NDUFS7: variants seen among roughly 807,000 people sequenced by gnomAD.
The protein encoded by NDUFS7 is NADH:ubiquinone oxidoreductase core subunit S7.
Under a neutral mutation model 31.1 loss-of-function variants are expected in NDUFS7, and 11 were observed. The ratio of observed to expected loss-of-function variants is 0.35; its 90% CI spans 0.22 to 0.59. The LOEUF (loss-of-function observed/expected upper bound fraction) is 0.59, where lower values mean the gene tolerates loss of function less well. Ranked by LOEUF, NDUFS7 falls within the 20% of genes least tolerant of loss-of-function variation. The probability of loss-of-function intolerance (pLI) is 0.79; values close to 1 mark genes in which losing one functional copy is unlikely to be tolerated. For synonymous variants in NDUFS7, 136 were observed against 127.9 expected (o/e 1.06, Z -0.43); for missense variants, 263 against 324.2 (o/e 0.81, Z 1.45).
At position 1,388,531 on chromosome 19, in the gene NDUFS7, CGTGGGCCCGGCT is replaced by C; in HGVS notation, c.64_75del (p.Gly22_Val25del). 1.2e-6 allele frequency: 2 copies of C among 1,611,092 alleles called. No homozygotes were observed. The highest frequency in any genetic ancestry group is 1.7e-6 in the Non-Finnish European group (2 of 1,179,828). On this transcript the variant is annotated inframe_deletion, in exon 3 of 8. Coordinates refer to ENST00000233627, the MANE Select transcript of NDUFS7 (RefSeq NM_024407.5). ...GCGTTCCATCTCCCGGCAGCTCCAG[CGTGGGCCCGGCT>C]GTGCAGGCACGAGGTGTCCATCAGA...
intron 4 of NDUFS7, chr19:1,390,481 C>T (rs1206439764): frequency 6.5e-6 from 2 of 305,700 alleles, no homozygotes; most frequent in Admixed American, 4.7e-5. Context: ...CTGGAGGCGT[C>T]GCACTTGGTA....
At chr19:1,390,697 C>T (rs530757824) in intron 4 of NDUFS7, 174 bp from the exon 5 acceptor site, 14 of 644,100 alleles carry the variant, frequency 2.2e-5, no homozygotes, top group African/African-American at 5.4e-5. Context: ...TGGTGGGGCG[C>T]GCTTTACAAC....
At position 1,395,459 on chromosome 19, in the gene NDUFS7, C is replaced by T. The variant is rs775856806; in HGVS notation, c.613C>T (p.Arg205Trp). The T allele has an allele frequency of 6.9e-6, 11 of 1,596,802 alleles. No homozygotes were observed. The highest frequency in any genetic ancestry group is 2.7e-5 in the African/African-American group (2 of 74,826). Residue 205 changes from arginine (R) to tryptophan (W), a missense_variant, in exon 8 of 8, where the codon CGG becomes TGG. Transcript: ENST00000233627. ...LQLQRKIKRE[R>W]RLQIWYRR ...GCTGCAGAGGAAGATCAAGCGGGAG[C>T]GGAGGCTGCAGATCTGGTACCGCAG...
chr19:1,387,769 T>C (rs745491684), intron 1 of NDUFS7, 42 bp from the exon 2 acceptor site: 26 of 1,604,570 alleles, frequency 1.6e-5, no homozygotes, highest in Middle Eastern at 3.3e-4. Flanking sequence ...CCCTGCGTGC[T>C]GCCCGCAGCT....
chr19:1,383,937 T>C lies in NDUFS7; in HGVS notation c.11T>C (p.Leu4Pro), dbSNP rs1370908573. The change falls in exon 1 of 8, where the codon CTG becomes CCG. Residue 4 changes from leucine (L) to proline (P), a missense_variant. Coordinates refer to ENST00000233627, the MANE Select transcript of NDUFS7 (RefSeq NM_024407.5). The part of the protein sequence containing the change: MAV[L>P]SAPGLRGFRI... Reference sequence around the variant, plus strand: ...AAGGCCGAGGCCAAGATGGCGGTGCTGTCAGGTGAGCGCGGCACCGGCGGC... The same window carrying C: ...AAGGCCGAGGCCAAGATGGCGGTGCCGTCAGGTGAGCGCGGCACCGGCGGC... 6 of 1,579,088 alleles carry C rather than the reference T, an allele frequency of 3.8e-6. No individual in the cohort carries two copies. Among genetic ancestry groups the C allele is most frequent in the Non-Finnish European group, 5.2e-6 (6 of 1,163,916 alleles).
rs1277016225 is a variant in NDUFS7 at position 1,393,036 on chromosome 19, C to T, written c.456-206C>T. 2.6e-5 allele frequency: 16 copies of T among 604,152 alleles called. No homozygotes were observed. In the South Asian group the frequency reaches 3.1e-4, roughly 12 times the overall value. The allele number at this position is 604,152 out of a possible 1,614,324, so 37.4% of individuals were successfully genotyped here. ...AGGGGAGCACTTTTCCCCGAGTTAT[C>T]AGCCACGTGTGAGCTTGCGCCCCAC... On this transcript the variant is annotated intron_variant, in intron 6 of 7. Transcript: ENST00000233627. This position sits in a 1 kb window ranked among gnomAD's most constrained non-coding sequence, Gnocchi z 7.3.
intron 6 of NDUFS7, among the ~76,000 whole-genome samples, chr19:1,391,678 G>A (rs1287364316): frequency 6.6e-6 from 1 of 151,250 alleles, no homozygotes; most frequent in Non-Finnish European, 1.5e-5. Context: ...GTAGAGACGG[G>A]GTTTTACCAT....
chr19:1,389,151 T>G (rs976049550), intron 4 of NDUFS7: 3 of 701,406 alleles, frequency 4.3e-6, no homozygotes, highest in Non-Finnish European at 7.8e-6. Context: ...ATATGCACAC[T>G]CGCACACATG....
At chr19:1,394,878 G>A (rs1408589837) in intron 7 of NDUFS7, 29 of 1,122,514 alleles carry the variant, frequency 2.6e-5, no homozygotes, top group East Asian at 7.6e-5. Context: ...CTGAACCTGC[G>A]TGGCAGCCGG....
intron 1 of NDUFS7, 143 bp from the exon 2 acceptor site, chr19:1,387,668 C>T (rs993595100): frequency 1.5e-5 from 11 of 737,756 alleles, no homozygotes; most frequent in African/African-American, 5.1e-5. Flanking sequence ...AAAACCCCCT[C>T]GTTACCTAAC....
intron 4 of NDUFS7, 92 bp downstream of exon 4, chr19:1,389,030 G>A (rs750760204): frequency 1.4e-5 from 15 of 1,052,190 alleles, no homozygotes; most frequent in South Asian, 1.4e-4. Flanking sequence ...GTGCAGACAC[G>A]TACACACACA....
intron 6 of NDUFS7, chr19:1,392,802 T>C: frequency 4.0e-6 from 1 of 252,750 alleles, no homozygotes; most frequent in South Asian, 5.0e-5. Context: ...GAGTGGAGTC[T>C]GTGTGGTCTC....
In NDUFS7 at chr19:1,394,583, G is replaced by T. The variant is rs1228753054; in HGVS notation, c.545-808G>T. 2.8e-5 allele frequency: 34 copies of T among 1,232,372 alleles called. No homozygotes were observed. In the Middle Eastern group the frequency reaches 1.0e-3, roughly 37 times the overall value. The allele number at this position is 1,232,372 out of a possible 1,614,324, so 76.3% of individuals were successfully genotyped here. Reference sequence around the variant, plus strand: ...CCGCGCTCCTCCCTCCCTGCGGACCGCGCTCGGCCCTCCCTGGGGACCGCG... The same window carrying T: ...CCGCGCTCCTCCCTCCCTGCGGACCTCGCTCGGCCCTCCCTGGGGACCGCG... On this transcript the variant is annotated intron_variant, in intron 7 of 7. Coordinates refer to ENST00000233627, the MANE Select transcript of NDUFS7 (RefSeq NM_024407.5).
intron 1 of NDUFS7, among the ~76,000 whole-genome samples, chr19:1,385,373 G>T (rs1313308400): frequency 2.7e-5 from 4 of 150,394 alleles, no homozygotes; most frequent in Admixed American, 2.0e-4. Flanking sequence ...AATCAGCTGG[G>T]TGTGGTGGCG....
intron 4 of NDUFS7, chr19:1,389,817 A>G (rs2082542208): frequency 6.2e-6 from 2 of 322,258 alleles, no homozygotes; most frequent in Non-Finnish European, 1.2e-5. Flanking sequence ...TTCCTAAACA[A>G]TGCCACGGCG....
chr19:1,394,468 T>G, intron 7 of NDUFS7: 2 of 1,226,416 alleles, frequency 1.6e-6, no homozygotes, highest in Non-Finnish European at 2.1e-6. Flanking sequence ...CTGCGGACTG[T>G]GCTCCCTGTC....
At chr19:1,385,557 G>A (rs1366042212) in intron 1 of NDUFS7, among the ~76,000 whole-genome samples, 1 of 151,562 alleles carries the variant, frequency 6.6e-6, no homozygotes, top group Non-Finnish European at 1.5e-5. Context: ...GGTGGCTCAG[G>A]CCTGTAATCC....
rs142635647 is a variant in NDUFS7 at position 1,390,996 on chromosome 19, C to T, written c.354C>T (p.Asp118=). ...TCCGCGCCAGCCCGCGCCAGTCCGA[C>T]GTCATGATCGTGGCCGGCACACTCA... is the stretch of plus-strand genomic sequence containing the variant. ...VVFRASPRQS[D]VMIVAGTLTN... Residue 118 remains aspartate (D), a synonymous_variant, in exon 5 of 8, where the codon GAC becomes GAT. Transcript: ENST00000233627. 7.8e-5 allele frequency: 126 copies of T among 1,612,904 alleles called. No individual in the cohort carries two copies. The highest frequency in any genetic ancestry group is 1.0e-4 in the Admixed American group (6 of 59,956).
chr19:1,395,221 C>T (rs2082588223), intron 7 of NDUFS7, 170 bp from the exon 8 acceptor site: 7 of 1,431,928 alleles, frequency 4.9e-6, no homozygotes, highest in Admixed American at 2.8e-5. Flanking sequence ...CCTGCAGGGA[C>T]CTCCCCTGCG....
Sources: gnomAD v4.1 joint callset for allele counts (sites outside exome capture counted in the v4.1 genomes callset) on GRCh38, gnomAD v4.1.1 for gene constraint, Gnocchi (gnomAD v3.1) non-coding constraint, MANE v1.5 for transcripts, NCBI Gene and HGNC (gene_info 2026-07-23, HGNC 2026-07-21) for gene names.